Variants in MAPK6 observed in about 807,000 individuals in gnomAD.
The protein encoded by MAPK6 is mitogen-activated protein kinase 6.
Under a neutral mutation model 59.3 loss-of-function variants are expected in MAPK6, and 19 were observed. The ratio of observed to expected loss-of-function variants is 0.32; its 90% CI spans 0.22 to 0.47. The LOEUF is 0.47. Ranked by LOEUF, MAPK6 falls within the 20% of genes least tolerant of loss-of-function variation. The probability of loss-of-function intolerance (pLI) is 1.00; values close to 1 mark genes in which losing one functional copy is unlikely to be tolerated. For missense variants in MAPK6, 724 were observed against 847.9 expected, an observed-to-expected ratio of 0.85 and a Z score of 1.81; for synonymous variants, 316 against 290.3, an observed-to-expected ratio of 1.09 and a Z score of -0.90.
chr15:52,050,331 A>G (rs1330525882), intron 3 of MAPK6, among the ~76,000 whole-genome samples, 194 bp downstream of exon 3: 1 of 152,254 alleles, frequency 6.6e-6, no homozygotes, highest in African/African-American at 2.4e-5. Flanking sequence ...CACTTCATAA[A>G]TTATCAGAAC....
chr15:51,975,077 C>T lies in MAPK6; in HGVS notation c.-880+3171C>T, dbSNP rs2057153518. 1.3e-5 allele frequency among the ~76,000 whole-genome samples: 2 copies of T among 151,644 alleles called. 1 individual carries two copies. The highest frequency in any genetic ancestry group is 1.3e-4 in the Admixed American group (2 of 15,192). ...AACAACTTCAGAGTGGCTTTATCTTCGTTCTTTCAGTTTTTGAAAGAACGT... is the reference window on the plus strand; with the variant it reads ...AACAACTTCAGAGTGGCTTTATCTTTGTTCTTTCAGTTTTTGAAAGAACGT... On this transcript the variant is annotated intron_variant, in intron 1 of 7. Transcript: ENST00000691380.
chr15:52,038,089 T>C (rs1239239293), intron 1 of MAPK6, among the ~76,000 whole-genome samples: 2 of 149,954 alleles, frequency 1.3e-5, no homozygotes, highest in Non-Finnish European at 3.0e-5. Context: ...AAATGTTAGA[T>C]AGGGAGGAAT....
chr15:52,056,919 A>G (rs1376232366), intron 3 of MAPK6: 1 of 152,192 alleles, frequency 6.6e-6, no homozygotes, highest in Non-Finnish European at 1.5e-5. Context: ...TTAACTCAAT[A>G]TCTCCACTCA....
At chr15:52,063,826 C>A in intron 5 of MAPK6, 76 bp from the exon 6 acceptor site, 3 of 1,330,692 alleles carry the variant, frequency 2.3e-6, no homozygotes, top group South Asian at 3.1e-5. Flanking sequence ...ACAGTGCTGT[C>A]ACATAGAAGG....
chr15:52,061,496 G>C lies in MAPK6; in HGVS notation c.1063G>C (p.Glu355Gln). Residue 355 changes from glutamate to glutamine, a missense_variant, in exon 5 of 6, where the codon GAA becomes CAA. Around this residue, in one of 4 missense-constraint regions of MAPK6, gnomAD observed 502 missense variants for 507.6 expected, o/e 0.99. Coordinates refer to ENST00000261845, the MANE Select transcript of MAPK6 (RefSeq NM_002748.4). ...DETHSHIYNW[E>Q]RYHDCQFSEH... The stretch of plus-strand genomic sequence containing the variant: ...AACTCACAGTCACATTTATAACTGG[G>C]AAAGGTAAATTGATCCTAAATTAGA... 1.2e-6 allele frequency: 2 copies of C among 1,607,740 alleles called. No individual in the cohort carries two copies. Among genetic ancestry groups the C allele is most frequent in the Non-Finnish European group, 1.7e-6 (2 of 1,174,478 alleles).
At chr15:52,023,179 AG>A (rs1257045411) in intron 1 of MAPK6, among the ~76,000 whole-genome samples, 1 of 151,940 alleles carries the variant, frequency 6.6e-6, no homozygotes, top group African/African-American at 2.4e-5. Context: ...CCTGTCTCCA[AG>A]GTACTGCTTT....
intron 3 of MAPK6, among the ~76,000 whole-genome samples, chr15:52,055,854 A>T (rs374919959): frequency 1.3e-5 from 2 of 152,232 alleles, no homozygotes; most frequent in East Asian, 1.9e-4. Context: ...TAAATGTTCA[A>T]TGCACATTCG....
intron 1 of MAPK6, among the ~76,000 whole-genome samples, chr15:51,981,795 G>A (rs1333932343): frequency 1.3e-5 from 2 of 152,102 alleles, no homozygotes; most frequent in African/African-American, 2.4e-5. Flanking sequence ...AAAGGAGGAT[G>A]GGGTACGGAG....
intron 2 of MAPK6, among the ~76,000 whole-genome samples, chr15:51,999,001 T>TCCA (rs2057234692): frequency 8.1e-6 from 1 of 122,732 alleles, no homozygotes; most frequent in African/African-American, 3.2e-5. Context: ...TTTTTTTTTG[T>TCCA]TTTTTAAGAT....
At chr15:52,007,146 C>T (rs2029909192) in intron 3 of MAPK6, among the ~76,000 whole-genome samples, 2 of 152,068 alleles carry the variant, frequency 1.3e-5, no homozygotes, top group Admixed American at 1.3e-4. Context: ...GTAATGAAGC[C>T]TGTGTGTTTA....
chr15:51,997,747 C>A (rs1191242396), intron 2 of MAPK6, among the ~76,000 whole-genome samples: 1 of 151,564 alleles, frequency 6.6e-6, no homozygotes. Context: ...CCCGCCACCA[C>A]ACCCAGCTAA....
intron 4 of MAPK6, among the ~76,000 whole-genome samples, chr15:52,059,450 A>T (rs1277509582): frequency 2.6e-5 from 4 of 152,144 alleles, no homozygotes; most frequent in African/African-American, 9.7e-5. Context: ...TAAAATGCTG[A>T]ACTAGTAATT....
chr15:52,033,632 T>TAA (rs1167717995), intron 1 of MAPK6: 1 of 152,202 alleles, frequency 6.6e-6, no homozygotes, highest in Non-Finnish European at 1.5e-5. Context: ...GGCTTATTTC[T>TAA]TCCCCAGCTT....
intron 3 of MAPK6, 149 bp downstream of exon 3, chr15:52,050,286 T>A: frequency 1.5e-6 from 1 of 683,518 alleles, no homozygotes; most frequent in Non-Finnish European, 2.3e-6. Context: ...AATAAAAAAA[T>A]TGAGAAAACT....
chr15:51,984,204 G>C (rs1471793884), intron 2 of MAPK6, among the ~76,000 whole-genome samples: 1 of 152,122 alleles, frequency 6.6e-6, no homozygotes, highest in African/African-American at 2.4e-5. Flanking sequence ...GTTGATGAAT[G>C]TGTATTGAAG....
At chr15:52,033,362 C>T (rs1251493949) in intron 1 of MAPK6, among the ~76,000 whole-genome samples, 1 of 152,256 alleles carries the variant, frequency 6.6e-6, no homozygotes, top group Non-Finnish European at 1.5e-5. Context: ...TTGGCTGCCA[C>T]CGAGGCTAGA....
In MAPK6 at chr15:52,041,053, C is replaced by T. The variant is rs1435445233; in HGVS notation, c.-631-4777C>T. The stretch of plus-strand genomic sequence containing the variant: ...GGAATGGGTAACATTTATTTGGAAG[C>T]AGAGAAATTGGAAAGATGCTGGAAA... On this transcript the variant is annotated intron_variant, in intron 1 of 5. Coordinates refer to ENST00000261845, the MANE Select transcript of MAPK6 (RefSeq NM_002748.4). Among the ~76,000 whole-genome samples the T allele has an allele frequency of 7.9e-5, 12 of 152,128 alleles. 1 individual carries two copies. Among genetic ancestry groups the T allele is most frequent in the Admixed American group, 7.9e-4 (12 of 15,266 alleles).
chr15:51,989,609 AT>A (rs1219791015), intron 2 of MAPK6, among the ~76,000 whole-genome samples: 1 of 151,394 alleles, frequency 6.6e-6, no homozygotes, highest in East Asian at 2.0e-4. Flanking sequence ...ATTATTTTTT[AT>A]TTTTTTAGAG....
intron 1 of MAPK6, among the ~76,000 whole-genome samples, chr15:52,036,217 A>T (rs900193096): frequency 1.3e-5 from 2 of 152,168 alleles, no homozygotes; most frequent in Non-Finnish European, 2.9e-5. Context: ...CTGATGAGGA[A>T]CTGAGACATA....
Sources: allele counts gnomAD v4.1 joint callset (sites outside exome capture counted in the v4.1 genomes callset), GRCh38; gene constraint gnomAD v4.1.1; regional missense constraint gnomAD v4.1.1; transcripts MANE v1.5; gene names NCBI Gene and HGNC (gene_info 2026-07-23, HGNC 2026-07-21).